ALG6: variants seen among roughly 807,000 people sequenced by gnomAD.
ALG6 encodes dolichyl pyrophosphate Man9GlcNAc2 alpha-1,3-glucosyltransferase.
A neutral mutation model predicts 66.6 loss-of-function variants in ALG6; 46 were observed. The ratio of observed to expected loss-of-function variants is 0.69; its 90% CI spans 0.55 to 0.88. The LOEUF (loss-of-function observed/expected upper bound fraction) is 0.88, where lower values mean the gene tolerates loss of function less well. Ranked by LOEUF, ALG6 falls within the 40% of genes least tolerant of loss-of-function variation. The probability of loss-of-function intolerance (pLI) is 0.00; values close to 1 mark genes in which losing one functional copy is unlikely to be tolerated. For missense variants in ALG6, 505 were observed against 586.8 expected, an observed-to-expected ratio of 0.86 and a Z score of 1.44; for synonymous variants, 185 against 203.7, an observed-to-expected ratio of 0.91 and a Z score of 0.78.
intron 12 of ALG6, among the ~76,000 whole-genome samples, chr1:63,422,353 CTA>C (rs1184659591): frequency 2.6e-5 from 2 of 76,320 alleles, no homozygotes; most frequent in African/African-American, 6.9e-5. Flanking sequence ...AAATATATAT[CTA>C]TATAAATATA....
chr1:63,419,472 T>C (rs112348369), intron 12 of ALG6, 32 bp downstream of exon 12: 11 of 1,431,824 alleles, frequency 7.7e-6, no homozygotes, highest in African/African-American at 1.4e-5. Context: ...ATGTGTTTAT[T>C]TGTTTATAAT....
chr1:63,406,461 T>A (rs1570065221), intron 6 of ALG6, 62 bp downstream of exon 6: 1 of 1,388,832 alleles, frequency 7.2e-7, no homozygotes, highest in Non-Finnish European at 1.0e-6. Context: ...GTCTAACTAT[T>A]AAGTATAGAC....
At chr1:63,411,834 T>C in intron 8 of ALG6, 92 bp from the exon 9 acceptor site, 1 of 1,526,836 alleles carries the variant, frequency 6.5e-7, no homozygotes, top group Non-Finnish European at 9.1e-7. Context: ...TTACTATACA[T>C]GTGCATGTAT....
chr1:63,399,497 A>C (rs1281117047), intron 3 of ALG6, among the ~76,000 whole-genome samples: 1 of 152,174 alleles, frequency 6.6e-6, no homozygotes, highest in African/African-American at 2.4e-5. Context: ...TGTACACTTT[A>C]ATCATTTTCC....
intron 12 of ALG6, among the ~76,000 whole-genome samples, chr1:63,425,356 T>G (rs1461522293): frequency 6.6e-6 from 1 of 152,070 alleles, no homozygotes; most frequent in Admixed American, 6.6e-5. Flanking sequence ...ATTGGACAGA[T>G]GTGTGAAGAG....
intron 2 of ALG6, among the ~76,000 whole-genome samples, chr1:63,382,562 C>T (rs930168874): frequency 1.3e-5 from 2 of 151,976 alleles, no homozygotes; most frequent in Non-Finnish European, 2.9e-5. Flanking sequence ...GCAACTCTGC[C>T]TCCCGAGTTC....
chr1:63,418,466 G>A (rs1372635513), intron 11 of ALG6, among the ~76,000 whole-genome samples: 3 of 152,062 alleles, frequency 2.0e-5, no homozygotes, highest in South Asian at 2.1e-4. Flanking sequence ...TTGGCAAAAG[G>A]AGATGAATGA....
At chr1:63,431,698 G>A (rs997500157) in intron 14 of ALG6, among the ~76,000 whole-genome samples, 11 of 152,204 alleles carry the variant, frequency 7.2e-5, no homozygotes, top group African/African-American at 2.6e-4. Flanking sequence ...TTTCAACAAT[G>A]TTTTGTAGTT....
chr1:63,411,223 T>G lies in ALG6; in HGVS notation c.572T>G (p.Leu191Arg). 6.2e-7 allele frequency: 1 copy of G among 1,613,996 alleles called. No individual in the cohort carries two copies. Residue 191 changes from leucine (L) to arginine (R), a missense_variant, in exon 8 of 15, where the codon CTG (leucine) becomes CGG (arginine). Coordinates refer to ENST00000263440, the MANE Select transcript of ALG6 (RefSeq NM_013339.4). ...TGTGACTGCGACCTCCTAGGGTCAC[T>G]GGCATTTTGCTTAGCTATAAATTAT... is the stretch of plus-strand genomic sequence containing the variant. ...ISCDCDLLGS[L>R]AFCLAINYKQ...
At chr1:63,435,099 G>A (rs567760954) in intron 14 of ALG6, among the ~76,000 whole-genome samples, 23 of 152,314 alleles carry the variant, frequency 1.5e-4, no homozygotes, top group Admixed American at 3.9e-4. Flanking sequence ...CGTGATTAGG[G>A]TGAAAGCCCA....
At chr1:63,390,350 G>C (rs950374514) in intron 2 of ALG6, among the ~76,000 whole-genome samples, 1 of 152,140 alleles carries the variant, frequency 6.6e-6, no homozygotes, top group African/African-American at 2.4e-5. Flanking sequence ...GACTCTGCCT[G>C]GTACCTTATT....
intron 11 of ALG6, among the ~76,000 whole-genome samples, chr1:63,416,206 C>G (rs895918763): frequency 6.6e-6 from 1 of 151,990 alleles, no homozygotes; most frequent in Non-Finnish European, 1.5e-5. Flanking sequence ...AAGTAGAAAA[C>G]AGTGGCAATG....
intron 2 of ALG6, 95 bp from the exon 3 acceptor site, chr1:63,396,418 C>G: frequency 9.6e-7 from 1 of 1,046,328 alleles, no homozygotes; most frequent in Non-Finnish European, 1.5e-6. Context: ...GTAACCTACA[C>G]TGCCTCTCTA....
Position 63,419,382 on chromosome 1 carries a change from C to G in ALG6, c.1000C>G (p.Leu334Val). 1 of 1,609,860 alleles carries G rather than the reference C, an allele frequency of 6.2e-7. No homozygotes were observed. Among genetic ancestry groups the G allele is most frequent in the Non-Finnish European group, 8.5e-7 (1 of 1,177,912 alleles). ...GFKFTLVSCA[L>V]SFFLFSFQVH... is the part of the protein sequence containing the mutation. Reference sequence around the variant, plus strand: ...TTTTTTCTTAAAGGTTAGCTGTGCGCTATCATTCTTTTTATTTTCTTTCCA... The same window carrying G: ...TTTTTTCTTAAAGGTTAGCTGTGCGGTATCATTCTTTTTATTTTCTTTCCA... Residue 334 changes from leucine (L) to valine (V), a missense_variant, in exon 12 of 15, where the codon CTA (leucine) becomes GTA (valine). Physicochemically the swap from Leu to Val is conservative, Grantham distance 32. Transcript: ENST00000263440.
At chr1:63,420,672 A>G (rs1486341379) in intron 12 of ALG6, among the ~76,000 whole-genome samples, 1 of 151,946 alleles carries the variant, frequency 6.6e-6, no homozygotes, top group Non-Finnish European at 1.5e-5. Flanking sequence ...CATCCTGACT[A>G]ACACGGTGAA....
intron 1 of ALG6, 129 bp from the exon 2 acceptor site, chr1:63,370,642 C>T: frequency 3.5e-6 from 1 of 287,988 alleles, no homozygotes; most frequent in Non-Finnish European, 6.6e-6. Context: ...CTTAAAATAC[C>T]ACGTTTCCTT....
At chr1:63,402,227 G>A (rs2100412707) in intron 3 of ALG6, 27 bp from the exon 4 acceptor site, 1 of 1,338,532 alleles carries the variant, frequency 7.5e-7, no homozygotes, top group Non-Finnish European at 1.1e-6. Context: ...TAACGGAATG[G>A]TGCTTTCTTC....
chr1:63,428,859 CT>C (rs1644630641), intron 13 of ALG6, 58 bp downstream of exon 13: 1 of 1,587,884 alleles, frequency 6.3e-7, no homozygotes, highest in Non-Finnish European at 8.6e-7. Flanking sequence ...TAATTTAAAA[CT>C]TTTTTATGAA....
intron 12 of ALG6, among the ~76,000 whole-genome samples, chr1:63,427,488 A>C (rs190961243): frequency 4.3e-4 from 65 of 152,276 alleles, no homozygotes; most frequent in African/African-American, 1.4e-3. Flanking sequence ...AACAACCACC[A>C]TCATTAGGAA....
Sources: allele counts gnomAD v4.1 joint callset (sites outside exome capture counted in the v4.1 genomes callset), GRCh38; gene constraint gnomAD v4.1.1; transcripts MANE v1.5; gene names NCBI Gene and HGNC (gene_info 2026-07-23, HGNC 2026-07-21).